NAA60: variants seen among roughly 807,000 people sequenced by gnomAD.
NAA60 encodes the protein N-alpha-acetyltransferase 60, NatF catalytic subunit, also known as N-alpha-acetyltransferase 60.
A neutral mutation model predicts 26.1 loss-of-function variants in NAA60; 8 were observed. The ratio of observed to expected loss-of-function variants is 0.31; its 90% CI spans 0.18 to 0.55. The LOEUF (loss-of-function observed/expected upper bound fraction) is 0.55. NAA60 is among the 20% of genes least tolerant of loss of function. The pLI is 0.93. For synonymous variants in NAA60, 131 were observed against 122.5 expected, an observed-to-expected ratio of 1.07 and a Z score of -0.46; for missense variants, 290 against 311.3, an observed-to-expected ratio of 0.93 and a Z score of 0.51.
rs1466667028 is a variant in NAA60, at chr16:3,483,580, C to G, written c.555C>G (p.His185Gln). The change falls in exon 6 of 8, where the codon CAC becomes CAG. Residue 185 changes from histidine to glutamine, a missense_variant. His to Gln is a conservative substitution (Grantham distance 24, BLOSUM62 0). Transcript: ENST00000407558. ...FTYVLYINGGHPPWTILDYIQ... is the reference protein window; with the variant it reads ...FTYVLYINGGQPPWTILDYIQ... ...ATGTCCTCTACATCAACGGCGGCCA[C>G]CCTCCCTGGACGATTTTATATCCTT... is the stretch of plus-strand genomic sequence containing the variant. The G allele has an allele frequency of 1.2e-6, 2 of 1,611,674 alleles. No homozygotes were observed. The highest frequency in any genetic ancestry group is 1.1e-5 in the South Asian group (1 of 90,832).
At chr16:3,444,889 C>T (rs541466204) in intron 1 of NAA60, among the ~76,000 whole-genome samples, 7 of 152,312 alleles carry the variant, frequency 4.6e-5, no homozygotes, top group African/African-American at 1.7e-4. Context: ...GCCCCTGTCA[C>T]TAGGGGAAGG....
intron 2 of NAA60, among the ~76,000 whole-genome samples, chr16:3,473,282 A>G (rs2036266914): frequency 6.6e-6 from 1 of 152,162 alleles, no homozygotes; most frequent in Admixed American, 6.5e-5. Flanking sequence ...TGGGTAATTT[A>G]TAAAGGAACC....
chr16:3,478,291 T>C (rs1471173224), intron 3 of NAA60, among the ~76,000 whole-genome samples: 1 of 152,098 alleles, frequency 6.6e-6, no homozygotes, highest in Non-Finnish European at 1.5e-5. Context: ...TGGAAACTAA[T>C]CTAGAGAAAT....
At chr16:3,468,929 T>C (rs538511358) in intron 2 of NAA60, among the ~76,000 whole-genome samples, 9 of 151,958 alleles carry the variant, frequency 5.9e-5, no homozygotes, top group Non-Finnish European at 1.0e-4. Context: ...CTACTACAAA[T>C]ACAAAAATTA....
intron 5 of NAA60, 123 bp from the exon 6 acceptor site, chr16:3,483,240 G>A: frequency 1.4e-6 from 1 of 732,256 alleles, no homozygotes; most frequent in South Asian, 1.6e-5. Context: ...GTGAAGAAAG[G>A]CTGGTCTCTG....
intron 4 of NAA60, among the ~76,000 whole-genome samples, chr16:3,481,079 G>A (rs1044589595): frequency 1.3e-5 from 2 of 151,938 alleles, no homozygotes; most frequent in Admixed American, 1.3e-4. Context: ...TGATTTTTAA[G>A]AGCTAAGATG....
chr16:3,458,155 C>T (rs565717589), intron 2 of NAA60: 3 of 985,100 alleles, frequency 3.0e-6, no homozygotes, highest in Non-Finnish European at 3.6e-6. Flanking sequence ...CTACAACACC[C>T]CCAGCGGCCG....
intron 6 of NAA60, chr16:3,483,851 C>T: frequency 7.8e-6 from 4 of 510,868 alleles, no homozygotes; most frequent in Non-Finnish European, 1.4e-5. Flanking sequence ...CCGCAGCCTC[C>T]CAAATTACTG....
At chr16:3,456,338 C>G (rs958185592) in intron 2 of NAA60, among the ~76,000 whole-genome samples, 1 of 152,234 alleles carries the variant, frequency 6.6e-6, no homozygotes, top group African/African-American at 2.4e-5. Context: ...CACTGAGTAG[C>G]AGGCACCTGA....
intron 2 of NAA60, among the ~76,000 whole-genome samples, chr16:3,454,759 A>G (rs1041519772): frequency 2.9e-4 from 44 of 152,198 alleles, no homozygotes; most frequent in African/African-American, 1.0e-3. Flanking sequence ...TGACTTGCTT[A>G]GGCAGGGGTC....
At chr16:3,480,719 A>G (rs528759183) in intron 4 of NAA60, among the ~76,000 whole-genome samples, 3 of 152,194 alleles carry the variant, frequency 2.0e-5, no homozygotes, top group Non-Finnish European at 2.9e-5. Context: ...CCTGGCCAAC[A>G]TCGTGAAACC....
chr16:3,473,707 T>TTTTTTG (rs758059872), intron 2 of NAA60, among the ~76,000 whole-genome samples: 35 of 145,814 alleles, frequency 2.4e-4, no homozygotes, highest in Admixed American at 6.8e-5. Flanking sequence ...GCCCCAGCTT[T>TTTTTTG]TTGTTGTTGT....
intron 3 of NAA60, 55 bp downstream of exon 3, chr16:3,476,392 G>A: frequency 6.7e-7 from 1 of 1,487,080 alleles, no homozygotes; most frequent in Non-Finnish European, 9.3e-7. Flanking sequence ...AGGTGCAGAA[G>A]CTGGGCGGCG....
At chr16:3,447,034 G>GT (rs1567359235) in intron 1 of NAA60, among the ~76,000 whole-genome samples, 1 of 151,406 alleles carries the variant, frequency 6.6e-6, no homozygotes, top group South Asian at 2.1e-4. Context: ...TAGAGGACGG[G>GT]TTTTCCCCAT....
chr16:3,482,591 C>T lies in NAA60; in HGVS notation c.330C>T (p.His110=), dbSNP rs113902747. The change falls in exon 5 of 8, where the codon CAC becomes CAT. Residue 110 remains histidine (H), a synonymous_variant. Coordinates refer to ENST00000407558, the MANE Select transcript of NAA60 (RefSeq NM_001083601.3). The part of the protein sequence containing the change: ...SLGVVKEFRK[H]GIGSLLLESL... The stretch of plus-strand genomic sequence containing the variant: ...GCGTCGTGAAAGAGTTCAGGAAGCA[C>T]GGCATAGGTAAGGGCAGCCGGGCCC... 25 of 1,603,890 alleles carry T rather than the reference C, an allele frequency of 1.6e-5. No individual in the cohort carries two copies. The highest frequency in any genetic ancestry group is 3.3e-4 in the Middle Eastern group (2 of 5,994).
At chr16:3,445,843 A>G (rs1056385912) in intron 1 of NAA60, among the ~76,000 whole-genome samples, 2 of 152,222 alleles carry the variant, frequency 1.3e-5, no homozygotes, top group Non-Finnish European at 2.9e-5. Flanking sequence ...AAGAGCCATC[A>G]AAACTATAAA....
chr16:3,471,064 C>T (rs1596329997), intron 2 of NAA60, among the ~76,000 whole-genome samples: 1 of 152,164 alleles, frequency 6.6e-6, no homozygotes, highest in South Asian at 2.1e-4. Flanking sequence ...TCTCAGAGCC[C>T]AGTGTTTTTC....
intron 1 of NAA60, among the ~76,000 whole-genome samples, chr16:3,446,000 C>T (rs1317346310): frequency 6.6e-6 from 1 of 152,170 alleles, no homozygotes; most frequent in Non-Finnish European, 1.5e-5. Context: ...AAATGCTTGA[C>T]TGTATACCCA....
intron 2 of NAA60, among the ~76,000 whole-genome samples, chr16:3,452,053 A>G (rs1221747741): frequency 6.6e-6 from 1 of 151,962 alleles, no homozygotes; most frequent in Admixed American, 6.6e-5. Flanking sequence ...GCCTCTACAA[A>G]AAATAAAAAA....
Sources: gnomAD v4.1 joint callset for allele counts (sites outside exome capture counted in the v4.1 genomes callset) on GRCh38, gnomAD v4.1.1 for gene constraint, MANE v1.5 for transcripts, NCBI Gene and HGNC (gene_info 2026-07-23, HGNC 2026-07-21) for gene names.